The following CNTN5 variants were observed in gnomAD, a reference collection of about 807,000 sequenced individuals.
The protein encoded by CNTN5 is contactin 5, also known as contactin-5.
Under a neutral mutation model 129.1 loss-of-function variants are expected in CNTN5, and 77 were observed. The ratio of observed to expected loss-of-function variants is 0.60; its 90% CI spans 0.50 to 0.72. The LOEUF is 0.72. Among genes scored for constraint, CNTN5 ranks in the 30% least tolerant of loss-of-function variants. The pLI is 0.00. For synonymous variants in CNTN5, 509 were observed against 465.6 expected, an observed-to-expected ratio of 1.09 and a Z score of -1.20; for missense variants, 1,478 against 1,328.8, an observed-to-expected ratio of 1.11 and a Z score of -1.75.
At chr11:100,210,469 C>T (rs1042185288) in intron 15 of CNTN5, among the ~76,000 whole-genome samples, 5 of 151,120 alleles carry the variant, frequency 3.3e-5, no homozygotes, top group South Asian at 2.1e-4. Context: ...AATAGGTATA[C>T]ACATTTTAGG....
chr11:99,957,990 A>T (rs1950847124), intron 8 of CNTN5, among the ~76,000 whole-genome samples: 1 of 151,868 alleles, frequency 6.6e-6, no homozygotes, highest in African/African-American at 2.4e-5. Context: ...ATAGATAGAG[A>T]TACACAGTAT....
At chr11:99,031,337 A>G (rs557853174) in intron 1 of CNTN5, among the ~76,000 whole-genome samples, 14 of 152,268 alleles carry the variant, frequency 9.2e-5, no homozygotes, top group Admixed American at 9.2e-4. Context: ...TATTTTAAGT[A>G]TGTATGTCCT....
At chr11:99,512,693 G>A (rs1946885756) in intron 2 of CNTN5, among the ~76,000 whole-genome samples, 1 of 152,028 alleles carries the variant, frequency 6.6e-6, no homozygotes, top group Non-Finnish European at 1.5e-5. Context: ...AGTGATCAGT[G>A]ATCTTTGATG....
Position 99,990,455 on chromosome 11 carries a change from T to TATAC in CNTN5, c.878-11578_878-11577insTACA, listed in dbSNP as rs560732478. Reference sequence around the variant, plus strand: ...CCCTTATTTTTAGAATATATATATATACACACACACACACACACACACACA... The same window carrying TATAC: ...CCCTTATTTTTAGAATATATATATATATACACACACACACACACACACACACACA... On this transcript the variant is annotated intron_variant, in intron 8 of 24. Transcript: ENST00000524871. 1.5e-3 allele frequency among the ~76,000 whole-genome samples: 224 copies of TATAC among 145,178 alleles called. 1 individual carries two copies. The highest frequency in any genetic ancestry group is 0.011 in the Admixed American group (154 of 14,426).
chr11:99,874,002 GC>G (rs1948571091), intron 6 of CNTN5, among the ~76,000 whole-genome samples: 1 of 152,060 alleles, frequency 6.6e-6, no homozygotes, highest in African/African-American at 2.4e-5. Flanking sequence ...ATAAGTGGGA[GC>G]TAAACAATGG....
At chr11:99,777,312 T>C (rs1487382701) in intron 3 of CNTN5, among the ~76,000 whole-genome samples, 2 of 151,884 alleles carry the variant, frequency 1.3e-5, no homozygotes, top group African/African-American at 4.8e-5. Flanking sequence ...ATTACAAATG[T>C]TGTGCATCTC....
chr11:99,394,718 T>C (rs983887211), intron 2 of CNTN5, among the ~76,000 whole-genome samples: 1 of 151,382 alleles, frequency 6.6e-6, no homozygotes, highest in Non-Finnish European at 1.5e-5. Context: ...CTGAAAGGTT[T>C]CACTTTGTAT....
chr11:99,854,063 A>G (rs190744023), intron 6 of CNTN5, among the ~76,000 whole-genome samples: 1 of 152,308 alleles, frequency 6.6e-6, no homozygotes, highest in East Asian at 1.9e-4. Context: ...CCTCTAGGAC[A>G]TTGTTCTGGG....
chr11:100,126,170 T>C (rs1179072604), intron 13 of CNTN5, among the ~76,000 whole-genome samples: 1 of 152,076 alleles, frequency 6.6e-6, no homozygotes, highest in Non-Finnish European at 1.5e-5. Flanking sequence ...AAGAGTATGG[T>C]TGGGATGATT....
intron 6 of CNTN5, among the ~76,000 whole-genome samples, chr11:99,868,569 AG>A (rs1948418364): frequency 6.6e-6 from 1 of 152,196 alleles, no homozygotes; most frequent in African/African-American, 2.4e-5. Context: ...ATAGTAAAAC[AG>A]GGTTTAGAAC....
chr11:99,288,297 C>T (rs914826436), intron 1 of CNTN5, among the ~76,000 whole-genome samples: 1 of 151,678 alleles, frequency 6.6e-6, no homozygotes, highest in Non-Finnish European at 1.5e-5. Context: ...GAAATTTAGC[C>T]AATTAGAAGT....
intron 2 of CNTN5, among the ~76,000 whole-genome samples, chr11:99,431,443 A>C (rs1943366735): frequency 6.6e-6 from 1 of 152,204 alleles, no homozygotes; most frequent in African/African-American, 2.4e-5. Context: ...TTTTAATGGA[A>C]ATGAGTAAAA....
intron 1 of CNTN5, among the ~76,000 whole-genome samples, chr11:99,184,169 C>G (rs1858224590): frequency 6.6e-6 from 1 of 152,010 alleles, no homozygotes; most frequent in African/African-American, 2.4e-5. Flanking sequence ...ATTTGTCACC[C>G]CCTTAGAAAA....
chr11:99,871,772 T>C (rs1948508878), intron 6 of CNTN5, among the ~76,000 whole-genome samples: 1 of 152,036 alleles, frequency 6.6e-6, no homozygotes, highest in Non-Finnish European at 1.5e-5. Context: ...CACCAAGAAG[T>C]CTATGTTTAA....
chr11:99,453,028 G>C (rs1226852601), intron 2 of CNTN5, among the ~76,000 whole-genome samples: 1 of 152,148 alleles, frequency 6.6e-6, no homozygotes, highest in Admixed American at 6.5e-5. Flanking sequence ...AAACCGGTGT[G>C]CTGTGCTGTT....
At chr11:99,498,037 G>A (rs1946292721) in intron 2 of CNTN5, among the ~76,000 whole-genome samples, 1 of 152,120 alleles carries the variant, frequency 6.6e-6, no homozygotes, top group Admixed American at 6.5e-5. Flanking sequence ...CAGGCGTATA[G>A]TCTTGCCAAT....
At chr11:99,436,128 T>C (rs1857294089) in intron 2 of CNTN5, among the ~76,000 whole-genome samples, 1 of 152,122 alleles carries the variant, frequency 6.6e-6, no homozygotes, top group South Asian at 2.1e-4. Context: ...ATCATGATCA[T>C]TTGGAGTGAG....
At chr11:99,890,546 A>G (rs1169249175) in intron 6 of CNTN5, among the ~76,000 whole-genome samples, 1 of 149,948 alleles carries the variant, frequency 6.7e-6, no homozygotes, top group African/African-American at 2.5e-5. Context: ...GTATACATAC[A>G]TATATGATTG....
chr11:99,916,865 A>C (rs1949803874), intron 7 of CNTN5, among the ~76,000 whole-genome samples: 1 of 152,154 alleles, frequency 6.6e-6, no homozygotes, highest in Non-Finnish European at 1.5e-5. Flanking sequence ...AGAGAGAGAA[A>C]GAGAAAGAGC....
Sources: gnomAD v4.1 joint callset for allele counts (sites outside exome capture counted in the v4.1 genomes callset) on GRCh38, gnomAD v4.1.1 for gene constraint, MANE v1.5 for transcripts, NCBI Gene and HGNC (gene_info 2026-07-23, HGNC 2026-07-21) for gene names.